The following KCND2 variants were observed in gnomAD, a reference collection of about 807,000 sequenced individuals.
The protein encoded by KCND2 is potassium voltage-gated channel subfamily D member 2.
A neutral mutation model predicts 54.4 loss-of-function variants in KCND2; 16 were observed. The observed-to-expected ratio is 0.29, with a 90% CI of 0.20 to 0.45. The LOEUF is 0.45. KCND2 is among the 20% of genes least tolerant of loss of function. KCND2 has a pLI of 1.00. For missense variants in KCND2, 486 were observed against 824.2 expected (o/e 0.59, Z 5.02); for synonymous variants, 317 against 310.7 (o/e 1.02, Z -0.21).
intron 1 of KCND2, among the ~76,000 whole-genome samples, chr7:120,299,764 A>G (rs1443369582): frequency 6.6e-6 from 1 of 152,130 alleles, no homozygotes; most frequent in Non-Finnish European, 1.5e-5. Context: ...GTCCTGTGAT[A>G]CTCGTCATTG....
chr7:120,444,820 GATT>G (rs1801996372), intron 1 of KCND2, among the ~76,000 whole-genome samples: 1 of 152,096 alleles, frequency 6.6e-6, no homozygotes, highest in Admixed American at 6.6e-5. Flanking sequence ...AAGGTGTAAT[GATT>G]CAGAGAACAT....
At chr7:120,386,872 A>G (rs960610973) in intron 1 of KCND2, among the ~76,000 whole-genome samples, 1 of 152,138 alleles carries the variant, frequency 6.6e-6, no homozygotes, top group Non-Finnish European at 1.5e-5. Flanking sequence ...AACAGGTATC[A>G]ACATTCCAAG....
Position 120,425,947 on chromosome 7 carries a change from ATT to A in KCND2, c.1115+150211_1115+150212del, listed in dbSNP as rs5886985. Among the ~76,000 whole-genome samples, 809 of 144,848 alleles carry A rather than the reference ATT, an allele frequency of 5.6e-3. 10 individuals carry two copies. The highest frequency in any genetic ancestry group is 0.015 in the Admixed American group (223 of 14,560). The stretch of plus-strand genomic sequence containing the variant: ...ATTTTCCCATTTCTATCTTGACTCT[ATT>A]TTTTTTTTTTAGAACTAGTTAATTT... On this transcript the variant is annotated intron_variant, in intron 1 of 5. Coordinates refer to ENST00000331113, the MANE Select transcript of KCND2 (RefSeq NM_012281.3).
chr7:120,553,933 T>G (rs1792131219), intron 1 of KCND2, among the ~76,000 whole-genome samples: 1 of 152,226 alleles, frequency 6.6e-6, no homozygotes, highest in South Asian at 2.1e-4. Context: ...GCAGATCAGT[T>G]AGACAAAAGC....
intron 1 of KCND2, among the ~76,000 whole-genome samples, chr7:120,351,792 CT>C (rs1411858405): frequency 6.6e-6 from 1 of 151,332 alleles, no homozygotes; most frequent in Non-Finnish European, 1.5e-5. Flanking sequence ...TTTTCTTTTT[CT>C]TTTTTTTCTT....
intron 1 of KCND2, among the ~76,000 whole-genome samples, chr7:120,428,305 C>A (rs1801741862): frequency 6.6e-6 from 1 of 152,148 alleles, no homozygotes; most frequent in African/African-American, 2.4e-5. Flanking sequence ...ATGGAACAAT[C>A]AATTCCAATA....
intron 1 of KCND2, among the ~76,000 whole-genome samples, chr7:120,476,573 C>T (rs1802536378): frequency 6.6e-6 from 1 of 152,166 alleles, no homozygotes; most frequent in South Asian, 2.1e-4. Context: ...AGACATTAAA[C>T]TTGACCTCCT....
In KCND2 at chr7:120,354,772, G is replaced by GAAAGA. The variant is rs761263518; in HGVS notation, c.1115+79040_1115+79044dup. On this transcript the variant is annotated intron_variant, in intron 1 of 5. Transcript: ENST00000331113. ...GAGACGCTGCCTCCAAAAGAAAACAGAAAGAAAAGAAAAGAAAAGCAAAGA... is the reference window on the plus strand; with the variant it reads ...GAGACGCTGCCTCCAAAAGAAAACAGAAAGAAAAGAAAAGAAAAGAAAAGCAAAGA... 5.9e-5 allele frequency among the ~76,000 whole-genome samples: 9 copies of GAAAGA among 152,108 alleles called. No homozygotes were observed. The South Asian group carries it at 8.3e-4, about 14-fold the overall frequency.
At chr7:120,618,732 C>T (rs1793060115) in intron 1 of KCND2, among the ~76,000 whole-genome samples, 1 of 152,130 alleles carries the variant, frequency 6.6e-6, no homozygotes, top group South Asian at 2.1e-4. Flanking sequence ...TAATTTTATT[C>T]AGCAACACTT....
intron 1 of KCND2, among the ~76,000 whole-genome samples, chr7:120,520,609 TATA>T (rs1235597718): frequency 1.3e-5 from 2 of 152,060 alleles, no homozygotes; most frequent in East Asian, 3.9e-4. Context: ...ATAGAGAATA[TATA>T]ATAGAGGCAA....
chr7:120,655,779 G>A (rs1791794322), intron 1 of KCND2, among the ~76,000 whole-genome samples: 1 of 152,074 alleles, frequency 6.6e-6, no homozygotes, highest in East Asian at 1.9e-4. Context: ...ATTGAAAAGA[G>A]GAAGAAAAAT....
chr7:120,464,697 A>G (rs955531501), intron 1 of KCND2, among the ~76,000 whole-genome samples: 4 of 152,188 alleles, frequency 2.6e-5, no homozygotes, highest in Admixed American at 2.0e-4. Flanking sequence ...ATTCAAGCTA[A>G]TGACATAATC....
chr7:120,746,985 G>C (rs990839767), intron 5 of KCND2: 1 of 152,088 alleles, frequency 6.6e-6, no homozygotes, highest in South Asian at 2.1e-4. Context: ...CCTTTATAAA[G>C]TGAAGTCGAC....
At chr7:120,718,221 G>A (rs1045286763) in intron 1 of KCND2, among the ~76,000 whole-genome samples, 1 of 152,130 alleles carries the variant, frequency 6.6e-6, no homozygotes, top group Non-Finnish European at 1.5e-5. Flanking sequence ...CCAATGTTTT[G>A]TTGAGTGGTT....
intron 1 of KCND2, among the ~76,000 whole-genome samples, chr7:120,345,988 A>G (rs369857736): frequency 6.6e-6 from 1 of 152,176 alleles, no homozygotes; most frequent in African/African-American, 2.4e-5. Flanking sequence ...TGGTTTTTCT[A>G]CATACTCACC....
chr7:120,604,115 A>T (rs1257011181), intron 1 of KCND2, among the ~76,000 whole-genome samples: 1 of 152,202 alleles, frequency 6.6e-6, no homozygotes, highest in Non-Finnish European at 1.5e-5. Context: ...GGGTTTTGAC[A>T]CATTTAATAA....
rs115650775 is a variant in KCND2, at chr7:120,427,169, A to G, written c.1115+151422A>G. Among the ~76,000 whole-genome samples the G allele has an allele frequency of 1.0e-3, 154 of 152,252 alleles. 1 individual carries two copies. Among genetic ancestry groups the G allele is most frequent in the African/African-American group, 3.6e-3 (151 of 41,560 alleles). On this transcript the variant is annotated intron_variant, in intron 1 of 5. Transcript: ENST00000331113. Reference sequence around the variant, plus strand: ...GTTTCATGTTTCCTTTCCCTAAGCCAGTGCTATTTTACTGTTTTGATCATA... The same window carrying G: ...GTTTCATGTTTCCTTTCCCTAAGCCGGTGCTATTTTACTGTTTTGATCATA...
intron 1 of KCND2, among the ~76,000 whole-genome samples, chr7:120,393,218 A>T (rs1237895092): frequency 6.6e-6 from 1 of 151,998 alleles, no homozygotes; most frequent in African/African-American, 2.4e-5. Flanking sequence ...CTTAGTCTAC[A>T]TGTATTTTTA....
At chr7:120,438,257 A>G (rs1407574277) in intron 1 of KCND2, among the ~76,000 whole-genome samples, 1 of 152,218 alleles carries the variant, frequency 6.6e-6, no homozygotes, top group Non-Finnish European at 1.5e-5. Context: ...TTAGTAATTG[A>G]GAAAAATTTA....
Sources: allele counts gnomAD v4.1 joint callset (sites outside exome capture counted in the v4.1 genomes callset), GRCh38; gene constraint gnomAD v4.1.1; transcripts MANE v1.5; gene names NCBI Gene and HGNC (gene_info 2026-07-23, HGNC 2026-07-21).